The following GRM8 variants were observed in gnomAD, a reference collection of about 807,000 sequenced individuals.
GRM8 encodes metabotropic glutamate receptor 8.
GRM8 carries 47 observed loss-of-function variants against 87.2 expected under a neutral mutation model. The observed-to-expected ratio is 0.54, with a 90% CI of 0.43 to 0.69. GRM8 has a LOEUF of 0.69. Among genes scored for constraint, GRM8 ranks in the 30% least tolerant of loss-of-function variants. The pLI, the probability that GRM8 is intolerant of heterozygous loss-of-function variation, is 0.00. For missense variants in GRM8, 1,019 were observed against 1,139.2 expected (o/e 0.89, Z 1.52); for synonymous variants, 396 against 404.5 (o/e 0.98, Z 0.25).
chr7:126,965,138 A>T (rs1192891163), intron 3 of GRM8, among the ~76,000 whole-genome samples: 1 of 152,162 alleles, frequency 6.6e-6, no homozygotes, highest in Non-Finnish European at 1.5e-5. Context: ...GTGGGGGAAT[A>T]TCACATACCA....
chr7:127,129,745 C>T (rs2133217775), intron 2 of GRM8, among the ~76,000 whole-genome samples: 1 of 152,270 alleles, frequency 6.6e-6, no homozygotes, highest in Admixed American at 6.5e-5. Context: ...AGTAGAGATT[C>T]TTTACTCTTT....
chr7:126,744,922 T>G (rs1250263676), intron 7 of GRM8, among the ~76,000 whole-genome samples: 1 of 151,806 alleles, frequency 6.6e-6, no homozygotes, highest in Non-Finnish European at 1.5e-5. Context: ...TCTTTTGCAA[T>G]GGCTATTTTT....
chr7:126,998,616 T>C lies in GRM8; in HGVS notation c.728-93933A>G, dbSNP rs557773984. Among the ~76,000 whole-genome samples the C allele has an allele frequency of 2.0e-5, 3 of 151,826 alleles. No homozygotes were observed. The South Asian group carries it at 6.2e-4, about 31-fold the overall frequency. ...CAATATAAATAGTAGCATTTGTGTA[T>C]GCCAACATGAAACAATCTGAAAAAG... On this transcript the variant is annotated intron_variant, in intron 3 of 10. Coordinates refer to ENST00000339582, the MANE Select transcript of GRM8 (RefSeq NM_000845.3).
At chr7:127,180,451 C>T (rs990446858) in intron 2 of GRM8, among the ~76,000 whole-genome samples, 2 of 152,066 alleles carry the variant, frequency 1.3e-5, no homozygotes. Flanking sequence ...CCTTTTGACA[C>T]TATTCCACAA....
chr7:126,890,137 T>C (rs1161979201), intron 6 of GRM8, among the ~76,000 whole-genome samples: 1 of 152,102 alleles, frequency 6.6e-6, no homozygotes, highest in Non-Finnish European at 1.5e-5. Flanking sequence ...AAGTGACCAA[T>C]AGCCACATGT....
intron 7 of GRM8, among the ~76,000 whole-genome samples, chr7:126,676,939 G>A (rs898938007): frequency 6.6e-6 from 1 of 152,090 alleles, no homozygotes. Flanking sequence ...CCCACAAAAT[G>A]CGAGAAAATA....
intron 3 of GRM8, among the ~76,000 whole-genome samples, chr7:126,930,149 C>T (rs1783757604): frequency 1.3e-5 from 2 of 152,158 alleles, no homozygotes; most frequent in South Asian, 4.1e-4. Context: ...AAGGAGACAA[C>T]AGTGATTAAG....
rs182544762 is a variant in GRM8 at position 127,127,415 on chromosome 7, A to G, written c.511-20703T>C. Reference sequence around the variant, plus strand: ...TCCATCAATAGGTGACTGAATAAACAAACTGTGGTGTAGCAATAAAATAAA... The same window carrying G: ...TCCATCAATAGGTGACTGAATAAACGAACTGTGGTGTAGCAATAAAATAAA... On this transcript the variant is annotated intron_variant, in intron 2 of 10. Coordinates refer to ENST00000339582, the MANE Select transcript of GRM8 (RefSeq NM_000845.3). Among the ~76,000 whole-genome samples, 166 of 152,216 alleles carry G rather than the reference A, an allele frequency of 1.1e-3. 1 individual carries two copies. Among genetic ancestry groups the G allele is most frequent in the African/African-American group, 3.9e-3 (161 of 41,564 alleles).
chr7:126,447,979 T>A (rs1802205260), intron 9 of GRM8, among the ~76,000 whole-genome samples: 1 of 152,034 alleles, frequency 6.6e-6, no homozygotes, highest in Non-Finnish European at 1.5e-5. Context: ...CGTTTACGGC[T>A]TATAAATCTC....
chr7:127,114,298 G>A (rs1017463396), intron 2 of GRM8, among the ~76,000 whole-genome samples: 8 of 152,168 alleles, frequency 5.3e-5, no homozygotes, highest in African/African-American at 1.9e-4. Context: ...CAAAGGAGAG[G>A]AAGCCTATTG....
At chr7:127,180,084 T>G (rs1794347760) in intron 2 of GRM8, among the ~76,000 whole-genome samples, 1 of 148,800 alleles carries the variant, frequency 6.7e-6, no homozygotes, top group Admixed American at 6.6e-5. Flanking sequence ...AAAAGATAAA[T>G]AAAATTGATA....
At chr7:127,029,238 G>A (rs1210337498) in intron 3 of GRM8, among the ~76,000 whole-genome samples, 1 of 152,150 alleles carries the variant, frequency 6.6e-6, no homozygotes, top group Non-Finnish European at 1.5e-5. Context: ...CATTTGCTGA[G>A]GAGTGTTTTA....
chr7:127,242,759 C>A lies in GRM8; in HGVS notation c.446G>T (p.Gly149Val), dbSNP rs371903212. The stretch of plus-strand genomic sequence containing the variant: ...GGAGCTTGCTGCAGCACCTATGACG[C>A]CAGAAATCTTGTCGGGCTTGGTGAA... The part of the protein sequence containing the change: ...PIFTKPDKIS[G>V]VIGAAASSVS... The change falls in exon 2 of 11, where the codon GGC becomes GTC. Residue 149 changes from glycine (G) to valine (V), a missense_variant. Coordinates refer to ENST00000339582, the MANE Select transcript of GRM8 (RefSeq NM_000845.3). 3 of 1,614,088 alleles carry A rather than the reference C, an allele frequency of 1.9e-6. No homozygotes were observed. Among genetic ancestry groups the A allele is most frequent in the Admixed American group, 3.3e-5 (2 of 60,006 alleles).
intron 7 of GRM8, among the ~76,000 whole-genome samples, chr7:126,630,726 A>T (rs1405651393): frequency 6.6e-6 from 1 of 152,210 alleles, no homozygotes; most frequent in Non-Finnish European, 1.5e-5. Context: ...GTGGTTCAAC[A>T]TATACAAGTC....
intron 3 of GRM8, among the ~76,000 whole-genome samples, chr7:127,058,832 T>A (rs1336803678): frequency 6.6e-6 from 1 of 152,270 alleles, no homozygotes; most frequent in African/African-American, 2.4e-5. Context: ...CTGAATGTTA[T>A]CTGAATTAAC....
intron 2 of GRM8, among the ~76,000 whole-genome samples, chr7:127,125,997 G>T (rs995082440): frequency 2.0e-4 from 26 of 128,756 alleles, no homozygotes; most frequent in African/African-American, 9.8e-4. Context: ...TGAGGATGCG[G>T]AGAAAAGGGA....
chr7:126,711,354 G>A (rs974740877), intron 7 of GRM8, among the ~76,000 whole-genome samples: 1 of 152,164 alleles, frequency 6.6e-6, no homozygotes, highest in African/African-American at 2.4e-5. Flanking sequence ...GAGCATTAAT[G>A]TTTTGAAAAC....
chr7:126,528,188 G>A (rs563190418), intron 9 of GRM8, among the ~76,000 whole-genome samples: 1 of 152,198 alleles, frequency 6.6e-6, no homozygotes, highest in Admixed American at 6.5e-5. Flanking sequence ...TGGTGACAGA[G>A]CAGAGCAAGA....
intron 3 of GRM8, among the ~76,000 whole-genome samples, chr7:126,980,371 C>A (rs904241474): frequency 2.2e-4 from 34 of 152,192 alleles, no homozygotes; most frequent in Non-Finnish European, 8.8e-5. Flanking sequence ...TTTTTAGCTT[C>A]ATGGTAACAA....
Sources: gnomAD v4.1 joint callset for allele counts (sites outside exome capture counted in the v4.1 genomes callset) on GRCh38, gnomAD v4.1.1 for gene constraint, MANE v1.5 for transcripts, NCBI Gene and HGNC (gene_info 2026-07-23, HGNC 2026-07-21) for gene names.